CD1B: variants seen among roughly 807,000 people sequenced by gnomAD.
The protein encoded by CD1B is T-cell surface glycoprotein CD1b.
A neutral mutation model predicts 39.8 loss-of-function variants in CD1B; 43 were observed. That is an observed-to-expected ratio of 1.08 (90% CI 0.85 to 1.39). The LOEUF (loss-of-function observed/expected upper bound fraction) is 1.39, where lower values mean the gene tolerates loss of function less well. Among genes scored for constraint, CD1B ranks in the 40% most tolerant of loss-of-function variants. The pLI is 0.00. For missense variants in CD1B, 495 were observed against 403.8 expected, an observed-to-expected ratio of 1.23 and a Z score of -1.94; for synonymous variants, 192 against 152.5, an observed-to-expected ratio of 1.26 and a Z score of -1.91.
chr1:158,321,312 A>G, the CD1B span, among the ~76,000 whole-genome samples: 2 of 152,200 alleles, frequency 1.3e-5, no homozygotes, highest in Admixed American at 6.5e-5. Flanking sequence ...TATGTCTGAT[A>G]TAAGTATAGC....
chr1:158,329,242 G>C, intron 4 of CD1B, 128 bp downstream of exon 4: 1 of 1,228,836 alleles, frequency 8.1e-7, no homozygotes, highest in East Asian at 2.4e-5. Context: ...TTGGGATTGG[G>C]GTCAGGGAAA....
At chr1:158,309,732 C>CA in the CD1B span, among the ~76,000 whole-genome samples, 2 of 141,236 alleles carry the variant, frequency 1.4e-5, no homozygotes, top group East Asian at 2.1e-4. Context: ...ATTGCAAGGA[C>CA]AAAAAACAAA....
the CD1B span, among the ~76,000 whole-genome samples, chr1:158,300,060 G>T: frequency 6.6e-6 from 1 of 152,038 alleles, no homozygotes; most frequent in African/African-American, 2.4e-5. Context: ...TGCTTCTCTA[G>T]TTCTTTTAAT....
chr1:158,321,453 T>C, the CD1B span, among the ~76,000 whole-genome samples: 1 of 152,232 alleles, frequency 6.6e-6, no homozygotes, highest in Non-Finnish European at 1.5e-5. Flanking sequence ...TTTAAAAAAA[T>C]CAATTTAGCT....
At chr1:158,298,229 C>T in the CD1B span, among the ~76,000 whole-genome samples, 20 of 152,212 alleles carry the variant, frequency 1.3e-4, no homozygotes, top group South Asian at 3.7e-3. Flanking sequence ...AACACAGGAG[C>T]ACACAGGTTC....
rs762562068 is a variant in CD1B at position 158,329,882 on chromosome 1, T to C, written c.577A>G (p.Asn193Asp). 1.9e-6 allele frequency: 3 copies of C among 1,614,050 alleles called. No individual in the cohort carries two copies. Among genetic ancestry groups the C allele is most frequent in the Admixed American group, 1.7e-5 (1 of 60,018 alleles). ...CTTTGCAGATCTGCTTTTCCTGCAT[T>C]GAGGACGCCCAAGAGATATCGGGGG... The part of the protein sequence containing the change: ...TCPRYLLGVL[N>D]AGKADLQRQV... Residue 193 changes from asparagine to aspartate, a missense_variant, in exon 3 of 6, where the codon AAT (asparagine) becomes GAT (aspartate). Asn to Asp is a conservative substitution (Grantham distance 23, BLOSUM62 1). Transcript: ENST00000368168.
At chr1:158,291,396 G>A in the CD1B span, 106 of 1,612,972 alleles carry the variant, frequency 6.6e-5, 1 homozygote, top group East Asian at 2.0e-3. Flanking sequence ...AAGATTACTC[G>A]AAATGTAAGT....
At chr1:158,289,859 A>C in the CD1B span, 1 of 513,216 alleles carries the variant, frequency 1.9e-6, no homozygotes, top group Non-Finnish European at 3.5e-6. Flanking sequence ...AGAAGAGAAT[A>C]ACTTTAGTTC....
chr1:158,317,580 GTCTA>G, the CD1B span, among the ~76,000 whole-genome samples: 14 of 152,084 alleles, frequency 9.2e-5, no homozygotes, highest in South Asian at 8.3e-4. Flanking sequence ...CTTGCTAGTG[GTCTA>G]TCTATTTTGT....
the CD1B span, among the ~76,000 whole-genome samples, chr1:158,316,899 G>A: frequency 6.6e-5 from 10 of 150,866 alleles, no homozygotes; most frequent in Non-Finnish European, 1.3e-4. Context: ...GGTCTTTTCT[G>A]CATCTATTGA....
the CD1B span, among the ~76,000 whole-genome samples, chr1:158,298,821 G>C: frequency 1.3e-5 from 2 of 152,128 alleles, no homozygotes; most frequent in Admixed American, 6.5e-5. Flanking sequence ...CTGTTTGTCT[G>C]TTATTGGTGT....
the CD1B span, among the ~76,000 whole-genome samples, chr1:158,320,490 T>A: frequency 6.6e-6 from 1 of 152,058 alleles, no homozygotes; most frequent in Admixed American, 6.5e-5. Flanking sequence ...ACTTCCCGAG[T>A]GAGGCAATGC....
chr1:158,285,586 C>T, the CD1B span, among the ~76,000 whole-genome samples: 2 of 152,074 alleles, frequency 1.3e-5, no homozygotes, highest in Non-Finnish European at 2.9e-5. Context: ...CCAGAAGAGA[C>T]AGAAAATACT....
At chr1:158,302,824 G>A in the CD1B span, among the ~76,000 whole-genome samples, 1 of 152,168 alleles carries the variant, frequency 6.6e-6, no homozygotes, top group Non-Finnish European at 1.5e-5. Flanking sequence ...CCTTGGAACA[G>A]AGAGATCCAT....
chr1:158,311,968 T>A, the CD1B span, among the ~76,000 whole-genome samples: 1 of 152,232 alleles, frequency 6.6e-6, no homozygotes, highest in African/African-American at 2.4e-5. Flanking sequence ...AAGATTACTT[T>A]GGCTTTTGGG....
At chr1:158,308,849 T>TA in the CD1B span, among the ~76,000 whole-genome samples, 9 of 152,222 alleles carry the variant, frequency 5.9e-5, no homozygotes, top group Admixed American at 4.6e-4. Context: ...ATTAAAGACT[T>TA]ACATGTTAGA....
chr1:158,330,189 A>G (rs1652541559), intron 2 of CD1B, 59 bp from the exon 3 acceptor site: 1 of 1,481,786 alleles, frequency 6.7e-7, no homozygotes, highest in Non-Finnish European at 9.1e-7. Context: ...AAGGCATGAG[A>G]AAAGAACCTA....
chr1:158,323,187 T>A (rs575833291), downstream of CD1B, among the ~76,000 whole-genome samples: 5 of 152,252 alleles, frequency 3.3e-5, no homozygotes, highest in East Asian at 7.7e-4. Context: ...TTCTTTTTTT[T>A]TATTCTTTTT....
chr1:158,306,686 G>A, the CD1B span, among the ~76,000 whole-genome samples: 344 of 152,142 alleles, frequency 2.3e-3, 2 homozygotes, highest in African/African-American at 8.0e-3. Flanking sequence ...GGAAGTAAAG[G>A]TCTCCTTAGC....
Sources: allele counts gnomAD v4.1 joint callset (sites outside exome capture counted in the v4.1 genomes callset), GRCh38; gene constraint gnomAD v4.1.1; transcripts MANE v1.5; gene names NCBI Gene and HGNC (gene_info 2026-07-23, HGNC 2026-07-21).